Variants in FBXW11 observed in about 807,000 individuals in gnomAD.
FBXW11 encodes F-box and WD repeat domain containing 11, also known as F-box/WD repeat-containing protein 11.
FBXW11 carries 19 observed loss-of-function variants against 77.6 expected under a neutral mutation model. That is an observed-to-expected ratio of 0.24 (90% CI 0.17 to 0.36). The LOEUF is 0.36. Among genes scored for constraint, FBXW11 ranks in the 10% least tolerant of loss-of-function variants. The probability of loss-of-function intolerance (pLI) is 1.00; values close to 1 mark genes in which losing one functional copy is unlikely to be tolerated. For missense variants in FBXW11, 334 were observed against 704.2 expected (o/e 0.47, Z 5.95); for synonymous variants, 235 against 249.4 (o/e 0.94, Z 0.54).
intron 2 of FBXW11, among the ~76,000 whole-genome samples, chr5:171,932,735 A>G (rs1380154591): frequency 6.6e-6 from 1 of 152,082 alleles, no homozygotes; most frequent in Non-Finnish European, 1.5e-5. Flanking sequence ...ATATCCACAG[A>G]AAAACCTTAA....
intron 1 of FBXW11, among the ~76,000 whole-genome samples, chr5:171,974,885 C>T (rs1196779871): frequency 1.3e-5 from 2 of 152,200 alleles, no homozygotes; most frequent in African/African-American, 4.8e-5. Flanking sequence ...ACCTCAACCT[C>T]CCAGGTTCAA....
At chr5:171,885,347 G>A (rs1369924338) in intron 7 of FBXW11, among the ~76,000 whole-genome samples, 1 of 152,188 alleles carries the variant, frequency 6.6e-6, no homozygotes, top group Non-Finnish European at 1.5e-5. Context: ...GTCCTCCTCA[G>A]TTTATATTTC....
intron 9 of FBXW11, among the ~76,000 whole-genome samples, chr5:171,874,754 A>T (rs1171609943): frequency 7.7e-6 from 1 of 130,084 alleles, no homozygotes; most frequent in African/African-American, 3.3e-5. Flanking sequence ...GGTCTCTACA[A>T]AAAAAAAAAA....
chr5:171,960,602 T>C (rs987292256), intron 1 of FBXW11, among the ~76,000 whole-genome samples: 1 of 152,208 alleles, frequency 6.6e-6, no homozygotes. Flanking sequence ...ATTTTTCACA[T>C]TCAGTAAATC....
chr5:171,911,919 T>C (rs1295776423), intron 3 of FBXW11, among the ~76,000 whole-genome samples: 3 of 152,240 alleles, frequency 2.0e-5, no homozygotes, highest in Non-Finnish European at 4.4e-5. Context: ...TTTGTCAAGC[T>C]ATCTATTGAC....
intron 6 of FBXW11, among the ~76,000 whole-genome samples, chr5:171,892,576 T>C (rs560501018): frequency 7.2e-5 from 11 of 152,324 alleles, no homozygotes; most frequent in African/African-American, 2.6e-4. Flanking sequence ...AAATGAGTGA[T>C]AAAAATTCTA....
At chr5:171,877,041 G>C (rs1758133217) in intron 8 of FBXW11, among the ~76,000 whole-genome samples, 1 of 152,084 alleles carries the variant, frequency 6.6e-6, no homozygotes, top group African/African-American at 2.4e-5. Context: ...GTAAGACAGG[G>C]TCTATTCTTA....
chr5:171,920,829 C>T (rs917251215), intron 2 of FBXW11, among the ~76,000 whole-genome samples: 4 of 152,062 alleles, frequency 2.6e-5, no homozygotes, highest in Non-Finnish European at 2.9e-5. Context: ...ATGAACATGG[C>T]GACCCCAATG....
chr5:171,977,883 A>G (rs1346895269), intron 1 of FBXW11: 1 of 211,170 alleles, frequency 4.7e-6, no homozygotes, highest in East Asian at 1.7e-4. Context: ...AAGATGAAAT[A>G]TGGGTAGGGA....
At chr5:171,919,215 A>T (rs190949437) in intron 2 of FBXW11, among the ~76,000 whole-genome samples, 13 of 152,320 alleles carry the variant, frequency 8.5e-5, no homozygotes, top group Admixed American at 3.9e-4. Flanking sequence ...TATAAATAAC[A>T]GGAAGCCATA....
chr5:171,913,320 T>TA (rs1407471331), intron 3 of FBXW11, among the ~76,000 whole-genome samples: 2 of 152,242 alleles, frequency 1.3e-5, no homozygotes, highest in Non-Finnish European at 2.9e-5. Context: ...AGTGTTTGTA[T>TA]AACTATTAAC....
intron 1 of FBXW11, among the ~76,000 whole-genome samples, chr5:171,973,681 T>C (rs911610614): frequency 2.0e-5 from 3 of 152,224 alleles, no homozygotes; most frequent in African/African-American, 7.2e-5. Flanking sequence ...TTAATAATAA[T>C]GCATCAATAC....
rs1759055498 is a variant in FBXW11, at chr5:171,888,320, C to T, written c.852+3147G>A. On this transcript the variant is annotated intron_variant, in intron 7 of 13. Transcript: ENST00000517395. The stretch of plus-strand genomic sequence containing the variant: ...AAACAACACATGACTTGGGCTTACC[C>T]TTGAGCTGTATATGCGCAGAACAGA... 2.0e-5 allele frequency among the ~76,000 whole-genome samples: 3 copies of T among 152,280 alleles called. No homozygotes were observed. In the South Asian group the frequency reaches 6.2e-4, roughly 32 times the overall value.
chr5:171,947,938 T>C (rs1367501844), intron 2 of FBXW11, among the ~76,000 whole-genome samples: 1 of 151,880 alleles, frequency 6.6e-6, no homozygotes, highest in East Asian at 1.9e-4. Flanking sequence ...ACTTTATTTT[T>C]AAAAATAAAA....
chr5:171,897,743 A>G (rs1759841097), intron 6 of FBXW11, among the ~76,000 whole-genome samples: 1 of 151,998 alleles, frequency 6.6e-6, no homozygotes, highest in Admixed American at 6.6e-5. Context: ...CTTTGTAAAT[A>G]GTTGCCCCTC....
chr5:171,884,883 A>G (rs925649907), intron 7 of FBXW11, among the ~76,000 whole-genome samples: 4 of 152,146 alleles, frequency 2.6e-5, no homozygotes, highest in African/African-American at 9.7e-5. Flanking sequence ...CCTCCTGGTC[A>G]CTGTTGGTTT....
intron 7 of FBXW11, among the ~76,000 whole-genome samples, chr5:171,882,300 C>T (rs1168970266): frequency 6.6e-6 from 1 of 152,176 alleles, no homozygotes; most frequent in South Asian, 2.1e-4. Context: ...CATGTGCACA[C>T]ACACAGCGAA....
chr5:171,970,991 T>C (rs1277788010), intron 1 of FBXW11, among the ~76,000 whole-genome samples: 1 of 152,202 alleles, frequency 6.6e-6, no homozygotes, highest in African/African-American at 2.4e-5. Flanking sequence ...TCCCTTCACA[T>C]TGTTTGAATC....
At chr5:171,990,582 A>G (rs1375706766) in intron 1 of FBXW11, among the ~76,000 whole-genome samples, 1 of 152,242 alleles carries the variant, frequency 6.6e-6, no homozygotes, top group South Asian at 2.1e-4. Flanking sequence ...CACATGCATC[A>G]GTCCAAACTG....
Sources: allele counts gnomAD v4.1 joint callset (sites outside exome capture counted in the v4.1 genomes callset), GRCh38; gene constraint gnomAD v4.1.1; transcripts MANE v1.5; gene names NCBI Gene and HGNC (gene_info 2026-07-23, HGNC 2026-07-21).